The following SHISA6 variants were observed in gnomAD, a reference collection of about 807,000 sequenced individuals.
SHISA6 encodes shisa family member 6, also known as protein shisa-6.
Under a neutral mutation model 47.9 loss-of-function variants are expected in SHISA6, and 22 were observed. The ratio of observed to expected loss-of-function variants is 0.46; its 90% CI spans 0.33 to 0.66. The LOEUF (loss-of-function observed/expected upper bound fraction) is 0.66, where lower values mean the gene tolerates loss of function less well. Ranked by LOEUF, SHISA6 falls within the 30% of genes least tolerant of loss-of-function variation. The pLI, the probability that SHISA6 is intolerant of heterozygous loss-of-function variation, is 0.02. For missense variants in SHISA6, 680 were observed against 764.6 expected (o/e 0.89, Z 1.30); for synonymous variants, 388 against 337.8 (o/e 1.15, Z -1.63).
intron 2 of SHISA6, among the ~76,000 whole-genome samples, chr17:11,287,004 G>A (rs1909322906): frequency 6.6e-6 from 1 of 152,076 alleles, no homozygotes; most frequent in African/African-American, 2.4e-5. Context: ...GTTGAATATG[G>A]TTCCTATTCA....
At chr17:11,457,088 C>T (rs557898178) in intron 3 of SHISA6, among the ~76,000 whole-genome samples, 1 of 152,298 alleles carries the variant, frequency 6.6e-6, no homozygotes, top group South Asian at 2.1e-4. Flanking sequence ...CCAGCTCTCT[C>T]AAGAGCCTAT....
At chr17:11,444,690 CCT>C (rs1214988594) in intron 3 of SHISA6, among the ~76,000 whole-genome samples, 1 of 152,158 alleles carries the variant, frequency 6.6e-6, no homozygotes. Flanking sequence ...TAGGCCACTC[CCT>C]GAGTCTTACA....
chr17:11,494,966 T>C (rs905505978), intron 3 of SHISA6, among the ~76,000 whole-genome samples: 4 of 152,176 alleles, frequency 2.6e-5, no homozygotes, highest in Admixed American at 2.0e-4. Flanking sequence ...ACCACGAGCC[T>C]GAGGATGACC....
intron 2 of SHISA6, among the ~76,000 whole-genome samples, chr17:11,339,427 C>CT (rs869267340): frequency 1.2e-4 from 1 of 8,624 alleles, no homozygotes; most frequent in Non-Finnish European, 5.7e-4. Flanking sequence ...ATTCACTACA[C>CT]CCCCCCTCCT....
chr17:11,461,803 G>T (rs1915699159), intron 3 of SHISA6, among the ~76,000 whole-genome samples: 1 of 152,140 alleles, frequency 6.6e-6, no homozygotes, highest in Non-Finnish European at 1.5e-5. Flanking sequence ...GTGGGCTCTG[G>T]ATTGGTCAGC....
chr17:11,285,438 G>C (rs1298345625), intron 2 of SHISA6, among the ~76,000 whole-genome samples: 1 of 152,182 alleles, frequency 6.6e-6, no homozygotes, highest in Non-Finnish European at 1.5e-5. Flanking sequence ...TTGCCTTGCA[G>C]TTGGGAAAAG....
intron 2 of SHISA6, among the ~76,000 whole-genome samples, chr17:11,362,817 T>C (rs1199845524): frequency 6.6e-6 from 1 of 152,222 alleles, no homozygotes; most frequent in Non-Finnish European, 1.5e-5. Context: ...ATCAGAGGCC[T>C]CCTAAACCCA....
rs1597479165 is a variant in SHISA6, at chr17:11,368,432, G to A, written c.800-10982G>A. ...AACTGATACTCTCCCAGAAGTATGG[G>A]GTAGAGAAGAGTCCTTCCTGGAGCT... On this transcript the variant is annotated intron_variant, in intron 2 of 5. Coordinates refer to ENST00000441885, the MANE Select transcript of SHISA6 (RefSeq NM_207386.4). 2.6e-5 allele frequency among the ~76,000 whole-genome samples: 4 copies of A among 152,250 alleles called. No homozygotes were observed. In the East Asian group the frequency reaches 7.7e-4, roughly 29 times the overall value.
At chr17:11,390,045 G>C (rs997031701) in intron 3 of SHISA6, among the ~76,000 whole-genome samples, 2 of 152,226 alleles carry the variant, frequency 1.3e-5, no homozygotes, top group Non-Finnish European at 2.9e-5. Flanking sequence ...GGGCATCACT[G>C]TTTGAAACAT....
At chr17:11,384,637 G>A (rs1913133925) in intron 3 of SHISA6, among the ~76,000 whole-genome samples, 1 of 152,200 alleles carries the variant, frequency 6.6e-6, no homozygotes, top group Non-Finnish European at 1.5e-5. Flanking sequence ...ACCAGGGTAA[G>A]TAAGGGGTCC....
chr17:11,260,488 C>T (rs940736190), intron 1 of SHISA6, among the ~76,000 whole-genome samples: 4 of 152,124 alleles, frequency 2.6e-5, no homozygotes, highest in Non-Finnish European at 5.9e-5. Context: ...TGTCTCTCTC[C>T]GTCTGACTCT....
chr17:11,446,177 T>C (rs764319252), intron 3 of SHISA6, among the ~76,000 whole-genome samples: 1 of 152,130 alleles, frequency 6.6e-6, no homozygotes, highest in Non-Finnish European at 1.5e-5. Flanking sequence ...ACAAAAGTTA[T>C]CCAAACCAAG....
At chr17:11,316,405 C>G (rs1385197472) in intron 2 of SHISA6, among the ~76,000 whole-genome samples, 1 of 62,552 alleles carries the variant, frequency 1.6e-5, no homozygotes, top group East Asian at 7.0e-4. Flanking sequence ...CTGTCTCTCT[C>G]TCTCTCTCTC....
rs1035254922 is a variant in SHISA6, at chr17:11,241,406, T to C, written c.-17T>C. On this transcript the variant is annotated 5_prime_UTR_variant, in exon 1 of 6. Coordinates refer to ENST00000441885, the MANE Select transcript of SHISA6 (RefSeq NM_207386.4). The surrounding 1 kb of genome is among the most constrained non-coding windows in gnomAD (Gnocchi z 5.5). The stretch of plus-strand genomic sequence containing the variant: ...CTGCCGCGGAAGCCTCCCCGCGCCC[T>C]CCCGCCCGGCCCCGCCATGGCGCTG... The C allele has an allele frequency of 1.9e-6, 2 of 1,074,444 alleles. No individual in the cohort carries two copies. Among genetic ancestry groups the C allele is most frequent in the Non-Finnish European group, 2.3e-6 (2 of 874,786 alleles). The allele number at this position is 1,074,444 out of a possible 1,614,324, so 66.6% of individuals were successfully genotyped here.
At chr17:11,543,613 A>T (rs577759702) in intron 3 of SHISA6, among the ~76,000 whole-genome samples, 1 of 152,284 alleles carries the variant, frequency 6.6e-6, no homozygotes, top group South Asian at 2.1e-4. Context: ...ATATTATTAT[A>T]AAATTGATAA....
At chr17:11,305,770 C>T (rs916390825) in intron 2 of SHISA6, among the ~76,000 whole-genome samples, 5 of 152,122 alleles carry the variant, frequency 3.3e-5, no homozygotes, top group African/African-American at 7.2e-5. Context: ...CACCCTGCCC[C>T]GAGCCTCCAC....
chr17:11,418,572 A>C (rs1156861622), intron 3 of SHISA6, among the ~76,000 whole-genome samples: 4 of 152,188 alleles, frequency 2.6e-5, no homozygotes, highest in African/African-American at 9.7e-5. Context: ...CATAAAAGGG[A>C]AACAGTAACT....
At chr17:11,245,173 C>T (rs1259510575) in intron 1 of SHISA6, among the ~76,000 whole-genome samples, 1 of 152,210 alleles carries the variant, frequency 6.6e-6, no homozygotes, top group Non-Finnish European at 1.5e-5. Flanking sequence ...AGTACCAAGT[C>T]CGACTCAGCT....
At chr17:11,388,834 A>T (rs1211886836) in intron 3 of SHISA6, among the ~76,000 whole-genome samples, 3,792 of 116,078 alleles carry the variant, frequency 0.033, 275 homozygotes, top group South Asian at 0.071. Flanking sequence ...ATATATATAT[A>T]TATATATTTT....
Sources: allele counts gnomAD v4.1 joint callset (sites outside exome capture counted in the v4.1 genomes callset), GRCh38; gene constraint gnomAD v4.1.1; non-coding constraint Gnocchi (gnomAD v3.1); transcripts MANE v1.5; gene names NCBI Gene and HGNC (gene_info 2026-07-23, HGNC 2026-07-21).